The following RPSA2 variants were observed in gnomAD, a reference collection of about 807,000 sequenced individuals.
RPSA2 encodes the protein ribosomal protein SA 2.
chr19:23,801,883 C>CT, the RPSA2 span, among the ~76,000 whole-genome samples: 3 of 151,796 alleles, frequency 2.0e-5, no homozygotes, highest in Non-Finnish European at 2.9e-5. Flanking sequence ...GTTGTGTCAG[C>CT]TTTTTTTTAG....
chr19:23,795,706 T>C, the RPSA2 span, among the ~76,000 whole-genome samples: 1 of 152,172 alleles, frequency 6.6e-6, no homozygotes, highest in South Asian at 2.1e-4. Context: ...CTATTTTATG[T>C]TGAATAGAAG....
At chr19:23,815,386 A>G in the RPSA2 span, among the ~76,000 whole-genome samples, 8 of 20,810 alleles carry the variant, frequency 3.8e-4, no homozygotes, top group African/African-American at 1.1e-3. Flanking sequence ...AGTCTTCATA[A>G]ATAGCTGGTA....
chr19:23,782,885 CT>C, the RPSA2 span, among the ~76,000 whole-genome samples: 1 of 152,070 alleles, frequency 6.6e-6, no homozygotes, highest in Non-Finnish European at 1.5e-5. Flanking sequence ...GGCTTCTCAC[CT>C]AGGTAATGTG....
chr19:23,829,299 T>C, the RPSA2 span, among the ~76,000 whole-genome samples: 42 of 151,946 alleles, frequency 2.8e-4, no homozygotes, highest in African/African-American at 9.2e-4. Flanking sequence ...CTTTCGCTTA[T>C]TTATTTATTT....
chr19:23,800,329 C>G, the RPSA2 span, among the ~76,000 whole-genome samples: 1 of 152,148 alleles, frequency 6.6e-6, no homozygotes, highest in African/African-American at 2.4e-5. Context: ...TGTAAGCCAG[C>G]ATGCCCAACC....
chr19:23,856,873 A>T, the RPSA2 span, among the ~76,000 whole-genome samples: 1 of 152,154 alleles, frequency 6.6e-6, no homozygotes, highest in Non-Finnish European at 1.5e-5. Flanking sequence ...TTCAAAGGGC[A>T]ATATCAGAAA....
At chr19:23,832,139 G>C in the RPSA2 span, 1 of 417,446 alleles carries the variant, frequency 2.4e-6, no homozygotes, top group Middle Eastern at 3.7e-4. Context: ...AAACTTTACA[G>C]ATGTGAAGAA....
the RPSA2 span, chr19:23,843,201 A>C: frequency 4.0e-6 from 1 of 250,526 alleles, no homozygotes; most frequent in Non-Finnish European, 8.3e-6. Flanking sequence ...TCTGTACCTG[A>C]TCTGATCTCC....
chr19:23,835,060 A>T, the RPSA2 span, among the ~76,000 whole-genome samples: 1 of 152,170 alleles, frequency 6.6e-6, no homozygotes, highest in Non-Finnish European at 1.5e-5. Flanking sequence ...TTTGTATTAC[A>T]AGCAATTCAA....
chr19:23,867,201 T>A, the RPSA2 span, among the ~76,000 whole-genome samples: 2 of 152,134 alleles, frequency 1.3e-5, no homozygotes, highest in Admixed American at 1.3e-4. Flanking sequence ...GTCAGTAATA[T>A]CCAGTAAGGA....
chr19:23,781,262 A>G, the RPSA2 span, among the ~76,000 whole-genome samples: 1 of 151,114 alleles, frequency 6.6e-6, no homozygotes, highest in African/African-American at 2.4e-5. Context: ...TGTGACCGCC[A>G]TGCGTGGCCT....
the RPSA2 span, among the ~76,000 whole-genome samples, chr19:23,766,141 TC>T: frequency 0.71 from 56,227 of 79,470 alleles, 24,346 homozygotes; most frequent in Admixed American, 0.78. Context: ...ATATTTCATT[TC>T]CTTTTTTTTT....
chr19:23,825,183 T>A, the RPSA2 span, among the ~76,000 whole-genome samples: 1 of 152,110 alleles, frequency 6.6e-6, no homozygotes, highest in African/African-American at 2.4e-5. Context: ...TTTCACCATG[T>A]TAGCCAGGAT....
the RPSA2 span, among the ~76,000 whole-genome samples, chr19:23,837,844 T>C: frequency 3.9e-5 from 6 of 152,156 alleles, no homozygotes; most frequent in East Asian, 1.2e-3. Context: ...TCTAGGAGCT[T>C]TCTGGAGGAG....
At chr19:23,867,579 C>T in the RPSA2 span, among the ~76,000 whole-genome samples, 63 of 152,200 alleles carry the variant, frequency 4.1e-4, no homozygotes, top group Non-Finnish European at 8.4e-4. Context: ...GCCTGTAATC[C>T]CAGCACTTTG....
chr19:23,840,364 C>T, the RPSA2 span, among the ~76,000 whole-genome samples: 7 of 152,052 alleles, frequency 4.6e-5, no homozygotes, highest in East Asian at 3.9e-4. Context: ...GAATTTATAC[C>T]GTGAAATATT....
At chr19:23,815,135 C>A in the RPSA2 span, among the ~76,000 whole-genome samples, 1 of 152,184 alleles carries the variant, frequency 6.6e-6, no homozygotes, top group African/African-American at 2.4e-5. Flanking sequence ...TGAGCTACAC[C>A]ACCCAGCTGG....
chr19:23,856,643 G>A, the RPSA2 span, among the ~76,000 whole-genome samples: 1 of 152,126 alleles, frequency 6.6e-6, no homozygotes, highest in Non-Finnish European at 1.5e-5. Flanking sequence ...CTTGCCCCCA[G>A]TATTTCAACA....
At chr19:23,785,833 C>G in the RPSA2 span, among the ~76,000 whole-genome samples, 1 of 152,140 alleles carries the variant, frequency 6.6e-6, no homozygotes, top group Non-Finnish European at 1.5e-5. Flanking sequence ...ATAGCTAGGC[C>G]TAGGGTAATG....
Sources: allele counts gnomAD v4.1 joint callset (sites outside exome capture counted in the v4.1 genomes callset), GRCh38; gene constraint gnomAD v4.1.1; transcripts MANE v1.5; gene names NCBI Gene and HGNC (gene_info 2026-07-23, HGNC 2026-07-21).